The following ATF6 variants were observed in gnomAD, a reference collection of about 807,000 sequenced individuals.
ATF6 encodes activating transcription factor 6.
A neutral mutation model predicts 83.6 loss-of-function variants in ATF6; 53 were observed. That is an observed-to-expected ratio of 0.63 (90% CI 0.51 to 0.80). The LOEUF is 0.80. ATF6 is among the 30% of genes least tolerant of loss of function. The probability of loss-of-function intolerance (pLI) is 0.00; values close to 1 mark genes in which losing one functional copy is unlikely to be tolerated. For missense variants in ATF6, 744 were observed against 797.9 expected (o/e 0.93, Z 0.81); for synonymous variants, 288 against 285.8 (o/e 1.01, Z -0.08).
intron 14 of ATF6, among the ~76,000 whole-genome samples, chr1:161,899,945 G>C (rs1233349054): frequency 6.6e-6 from 1 of 152,060 alleles, no homozygotes; most frequent in Non-Finnish European, 1.5e-5. Context: ...AAAAAAATCA[G>C]TTCCCAGCTG....
intron 10 of ATF6, among the ~76,000 whole-genome samples, chr1:161,848,420 G>A (rs1266680256): frequency 3.3e-5 from 5 of 151,882 alleles, no homozygotes; most frequent in Non-Finnish European, 7.4e-5. Context: ...TCTAAGGAGA[G>A]CTATGAGACA....
At chr1:161,884,938 G>A (rs551450298) in intron 14 of ATF6, among the ~76,000 whole-genome samples, 4 of 152,030 alleles carry the variant, frequency 2.6e-5, no homozygotes, top group Non-Finnish European at 5.9e-5. Context: ...TAAATATTTT[G>A]TACACTACTC....
Position 161,863,219 on chromosome 1 carries a change from A to G in ATF6, c.1626A>G (p.Leu542=). The part of the protein sequence containing the change: ...SSISRNSGSE[L]QVYYASPRSY... ...TTAGCAGGAACTCAGGGAGTGAGCTACAAGTGTATTATGCTTCACCCAGAA... is the reference window on the plus strand; with the variant it reads ...TTAGCAGGAACTCAGGGAGTGAGCTGCAAGTGTATTATGCTTCACCCAGAA... Residue 542 remains leucine (L), a synonymous_variant, in exon 14 of 16, where the codon CTA becomes CTG. Coordinates refer to ENST00000367942, the MANE Select transcript of ATF6 (RefSeq NM_007348.4). 1.2e-6 allele frequency: 2 copies of G among 1,608,318 alleles called. No homozygotes were observed. Among genetic ancestry groups the G allele is most frequent in the African/African-American group, 1.3e-5 (1 of 74,922 alleles).
rs776074543 is a variant in ATF6 at position 161,767,632 on chromosome 1, C to T, written c.82+1190C>T. Among the ~76,000 whole-genome samples, 78 of 152,150 alleles carry T rather than the reference C, an allele frequency of 5.1e-4. 1 individual carries two copies. The highest frequency in any genetic ancestry group is 4.5e-3 in the Admixed American group (69 of 15,276). On this transcript the variant is annotated intron_variant, in intron 1 of 15. Coordinates refer to ENST00000367942, the MANE Select transcript of ATF6 (RefSeq NM_007348.4). ...AACTGAGGCTAACAGAATTTGTGCT[C>T]AGATTCTTAGAGCTAGTTAGTGGCA...
rs71798307 is a variant in ATF6, at chr1:161,920,294, CTT to C, written c.1804+7931_1804+7932del. 1.7e-3 allele frequency among the ~76,000 whole-genome samples: 93 copies of C among 54,838 alleles called. 10 individuals are homozygous for C. The highest frequency in any genetic ancestry group is 0.012 in the East Asian group (27 of 2,188). 36.0% of individuals were successfully genotyped at this position (54,838 alleles called of 152,430 possible). ...TAGTTCTCTTTCTCTCTCTCTCTCT[CTT>C]TTTTTTTTTTTTTTTTGAGACAGAG... On this transcript the variant is annotated intron_variant, in intron 15 of 15. Transcript: ENST00000367942.
chr1:161,956,979 T>C (rs948079700), intron 15 of ATF6, among the ~76,000 whole-genome samples: 6 of 152,158 alleles, frequency 3.9e-5, no homozygotes, highest in Admixed American at 1.3e-4. Flanking sequence ...ACAGACTCCC[T>C]GAAGTCTATA....
chr1:161,939,156 C>T (rs900507309), intron 15 of ATF6, among the ~76,000 whole-genome samples: 2 of 152,186 alleles, frequency 1.3e-5, no homozygotes, highest in African/African-American at 4.8e-5. Context: ...CCTTGGAACA[C>T]TTTATTTACG....
chr1:161,914,663 C>G (rs903709780), intron 15 of ATF6, among the ~76,000 whole-genome samples: 2 of 152,182 alleles, frequency 1.3e-5, no homozygotes, highest in East Asian at 3.8e-4. Context: ...CTTTAAAACT[C>G]ACACTCCAAC....
chr1:161,801,027 T>C (rs535046210), intron 6 of ATF6, among the ~76,000 whole-genome samples: 2 of 152,280 alleles, frequency 1.3e-5, no homozygotes, highest in South Asian at 4.1e-4. Flanking sequence ...ATAGATTGAG[T>C]ATCCCTTATC....
chr1:161,943,714 AC>A (rs1414776941), intron 15 of ATF6, among the ~76,000 whole-genome samples: 1 of 152,160 alleles, frequency 6.6e-6, no homozygotes, highest in East Asian at 1.9e-4. Flanking sequence ...CAGGTCTCGA[AC>A]AAAAAATCAC....
chr1:161,791,452 C>T lies in ATF6; in HGVS notation c.399C>T (p.Ser133=). ...LSSSSQMSPL[S]LYGENSNSLS... ...CTAGTTCTCAGATGTCTCCCCTTTC[C>T]TTATATGGTGAAAACTCTAATAGTC... Residue 133 remains serine (S), a synonymous_variant, in exon 5 of 16, where the codon TCC becomes TCT. Coordinates refer to ENST00000367942, the MANE Select transcript of ATF6 (RefSeq NM_007348.4). The T allele has an allele frequency of 6.2e-7, 1 of 1,612,230 alleles. No homozygotes were observed. The highest frequency in any genetic ancestry group is 8.5e-7 in the Non-Finnish European group (1 of 1,179,456).
chr1:161,784,135 ATGCTATC>A, intron 4 of ATF6, 39 bp downstream of exon 4: 2 of 1,406,564 alleles, frequency 1.4e-6, no homozygotes, highest in South Asian at 2.3e-5. Flanking sequence ...TGGTTATAAT[ATGCTATC>A]TGGAAAATAT....
chr1:161,920,294 C>CTCTTTTTTTTTTTTTTTTT (rs1157916734), intron 15 of ATF6, among the ~76,000 whole-genome samples: 23 of 54,842 alleles, frequency 4.2e-4, no homozygotes, highest in Non-Finnish European at 6.0e-4. Flanking sequence ...CTCTCTCTCT[C>CTCTTTTTTTTTTTTTTTTT]TTTTTTTTTT....
chr1:161,780,478 A>G (rs1684608525), intron 2 of ATF6, among the ~76,000 whole-genome samples: 1 of 151,412 alleles, frequency 6.6e-6, no homozygotes, highest in Non-Finnish European at 1.5e-5. Context: ...GGTTCACACC[A>G]TTCTCCTGCC....
intron 1 of ATF6, 89 bp downstream of exon 1, chr1:161,766,531 G>T: frequency 7.8e-7 from 1 of 1,278,514 alleles, no homozygotes; most frequent in Non-Finnish European, 1.1e-6. Context: ...GTGGTGACAG[G>T]TGTGGACCAA....
chr1:161,836,917 G>A (rs1280556493), intron 9 of ATF6, among the ~76,000 whole-genome samples: 7 of 152,120 alleles, frequency 4.6e-5, no homozygotes, highest in African/African-American at 7.2e-5. Context: ...AGAAGGGGTC[G>A]GTGAGAAACT....
chr1:161,782,049 T>C, intron 3 of ATF6, 50 bp downstream of exon 3: 1 of 1,355,760 alleles, frequency 7.4e-7, no homozygotes, highest in Non-Finnish European at 1.0e-6. Context: ...AATTTTATTT[T>C]GTAGTTTGGT....
intron 14 of ATF6, among the ~76,000 whole-genome samples, chr1:161,882,487 G>A (rs1687340941): frequency 6.6e-6 from 1 of 151,938 alleles, no homozygotes; most frequent in Admixed American, 6.6e-5. Context: ...TTCAGAATCA[G>A]ACTCTAGAGT....
At position 161,959,781 on chromosome 1, in the gene ATF6, CA is replaced by C. The variant is rs1689057499; in HGVS notation, c.*1128del. On this transcript the variant is annotated 3_prime_UTR_variant, in exon 16 of 16. Coordinates refer to ENST00000367942, the MANE Select transcript of ATF6 (RefSeq NM_007348.4). ...GACTCTAGGCCACCAAGTATTAGCACACATACTTATGTTTTCTCTACTAATC... is the reference window on the plus strand; with the variant it reads ...GACTCTAGGCCACCAAGTATTAGCACCATACTTATGTTTTCTCTACTAATC... 6.6e-6 allele frequency: 1 copy of C among 151,794 alleles called. No homozygotes were observed. The highest frequency in any genetic ancestry group is 1.5e-5 in the Non-Finnish European group (1 of 67,962). 9.4% of individuals were successfully genotyped at this position (151,794 alleles called of 1,614,324 possible).
Sources: allele counts gnomAD v4.1 joint callset (sites outside exome capture counted in the v4.1 genomes callset), GRCh38; gene constraint gnomAD v4.1.1; transcripts MANE v1.5; gene names NCBI Gene and HGNC (gene_info 2026-07-23, HGNC 2026-07-21).